BCAR3: variants seen among roughly 807,000 people sequenced by gnomAD.
BCAR3 encodes BCAR3 adaptor protein, NSP family member.
In BCAR3, 37 loss-of-function variants were observed where a neutral mutation model predicts 80.1. The ratio of observed to expected loss-of-function variants is 0.46; its 90% CI spans 0.36 to 0.61. BCAR3 has a LOEUF of 0.61. Ranked by LOEUF, BCAR3 falls within the 20% of genes least tolerant of loss-of-function variation. The pLI is 0.00. For synonymous variants in BCAR3, 389 were observed against 418.9 expected, an observed-to-expected ratio of 0.93 and a Z score of 0.87; for missense variants, 978 against 1,068.2, an observed-to-expected ratio of 0.92 and a Z score of 1.18.
At chr1:93,677,112 C>T (rs1571036211) in intron 1 of BCAR3, among the ~76,000 whole-genome samples, 2 of 152,306 alleles carry the variant, frequency 1.3e-5, no homozygotes, top group East Asian at 3.9e-4. Context: ...GGCCCAATAC[C>T]TGACTATGAA....
At chr1:93,571,923 T>C (rs1380140128) in intron 8 of BCAR3, 82 bp from the exon 9 acceptor site, 4 of 1,472,000 alleles carry the variant, frequency 2.7e-6, no homozygotes, top group Non-Finnish European at 3.7e-6. Flanking sequence ...AGAGCAGGGC[T>C]GTTTTTGTGC....
At chr1:93,744,421 G>A (rs7523682) in intron 2 of BCAR3, among the ~76,000 whole-genome samples, 141,626 of 152,192 alleles carry the variant, frequency 0.93, 65,945 homozygotes, top group East Asian at 0.96. Context: ...GTGCTTCTCC[G>A]ATAGTAGCAC....
intron 4 of BCAR3, among the ~76,000 whole-genome samples, chr1:93,591,158 TCTA>T (rs1392612049): frequency 1.7e-5 from 2 of 116,134 alleles, no homozygotes; most frequent in Non-Finnish European, 3.4e-5. Context: ...TGCCAAGAAA[TCTA>T]CTACATTAAA....
chr1:93,810,075 C>T (rs530178171), intron 2 of BCAR3, among the ~76,000 whole-genome samples: 1 of 151,566 alleles, frequency 6.6e-6, no homozygotes, highest in African/African-American at 2.4e-5. Context: ...TGCCTGTAAT[C>T]CCAGCTACTC....
intron 3 of BCAR3, among the ~76,000 whole-genome samples, chr1:93,637,392 C>T (rs113717288): frequency 3.9e-5 from 6 of 151,992 alleles, no homozygotes; most frequent in Admixed American, 6.6e-5. Context: ...TGACCTCAGG[C>T]GATCCACCCA....
At chr1:93,780,592 G>A (rs932961387) in intron 2 of BCAR3, among the ~76,000 whole-genome samples, 2 of 151,954 alleles carry the variant, frequency 1.3e-5, no homozygotes, top group Non-Finnish European at 2.9e-5. Context: ...AAACAAGATG[G>A]AGGAGCCAGG....
intron 2 of BCAR3, among the ~76,000 whole-genome samples, chr1:93,777,782 T>A (rs2100752843): frequency 6.6e-6 from 1 of 152,312 alleles, no homozygotes; most frequent in South Asian, 2.1e-4. Context: ...CATTCCCTTC[T>A]CCACTATTTG....
rs922597338 is a variant in BCAR3 at position 93,642,485 on chromosome 1, G to A, written c.318-142C>T. 3 of 756,206 alleles carry A rather than the reference G, an allele frequency of 4.0e-6. No homozygotes were observed. The East Asian group carries it at 8.0e-5, about 20-fold the overall frequency. The allele number at this position is 756,206 out of a possible 1,614,324, so 46.8% of individuals were successfully genotyped here. ...TCCCAGGCAGTATTCACAACAGGGT[G>A]TGTGTGGTGGGGTGGGAGATACCAC... On this transcript the variant is annotated intron_variant, in intron 2 of 11. Coordinates refer to ENST00000260502, the MANE Select transcript of BCAR3 (RefSeq NM_003567.4).
intron 3 of BCAR3, among the ~76,000 whole-genome samples, chr1:93,609,519 C>T (rs773197996): frequency 6.6e-6 from 1 of 152,206 alleles, no homozygotes; most frequent in Non-Finnish European, 1.5e-5. Context: ...CAAACATTGA[C>T]AAAGTGACAA....
intron 3 of BCAR3, among the ~76,000 whole-genome samples, chr1:93,618,813 A>G (rs988556750): frequency 6.6e-6 from 1 of 152,184 alleles, no homozygotes; most frequent in African/African-American, 2.4e-5. Flanking sequence ...CCCTCCTTCT[A>G]GAGCAAAAGA....
chr1:93,567,919 G>T, intron 9 of BCAR3, 68 bp from the exon 10 acceptor site: 1 of 1,313,950 alleles, frequency 7.6e-7, no homozygotes, highest in Non-Finnish European at 1.1e-6. Context: ...GGGCGTGGTA[G>T]CTCACGCCTG....
intron 2 of BCAR3, among the ~76,000 whole-genome samples, chr1:93,835,012 C>A (rs1654712290): frequency 6.7e-6 from 1 of 149,160 alleles, no homozygotes; most frequent in Non-Finnish European, 1.5e-5. Flanking sequence ...CCAGCAAAGG[C>A]AGGCTATGTT....
At chr1:93,647,610 TAGA>T (rs1482952070) in intron 2 of BCAR3, among the ~76,000 whole-genome samples, 5 of 151,934 alleles carry the variant, frequency 3.3e-5, no homozygotes, top group African/African-American at 1.2e-4. Context: ...TTCTTCTAAA[TAGA>T]AGGACACTCT....
chr1:93,617,544 G>C (rs1303216862), intron 3 of BCAR3, among the ~76,000 whole-genome samples: 1 of 152,214 alleles, frequency 6.6e-6, no homozygotes, highest in African/African-American at 2.4e-5. Context: ...AGGGACATCG[G>C]TCAGGGGTGA....
At chr1:93,564,480 G>A (rs1020622344) in intron 11 of BCAR3, among the ~76,000 whole-genome samples, 5 of 151,896 alleles carry the variant, frequency 3.3e-5, no homozygotes, top group East Asian at 3.9e-4. Context: ...GTTTCTCCAC[G>A]TTGGTCAGGC....
intron 3 of BCAR3, among the ~76,000 whole-genome samples, chr1:93,703,188 T>C (rs779297188): frequency 6.6e-6 from 1 of 152,222 alleles, no homozygotes; most frequent in Non-Finnish European, 1.5e-5. Flanking sequence ...GGGGTCTCAC[T>C]TGAAGACATA....
chr1:93,731,646 GTAAAATAAAATAAAATAAAA>G lies in BCAR3; in HGVS notation c.-62-25524_-62-25505del, dbSNP rs3068528. Among the ~76,000 whole-genome samples the G allele has an allele frequency of 6.8e-4, 100 of 147,362 alleles. 1 individual carries two copies. Among genetic ancestry groups the G allele is most frequent in the South Asian group, 4.2e-3 (19 of 4,562 alleles). On this transcript the variant is annotated intron_variant, in intron 2 of 13. Transcript: ENST00000370244. ...ATATAAATAAATAGTAGATGTTAAA[GTAAAATAAAATAAAATAAAA>G]TAAAATAAAATAAAATAAAATAAAA...
intron 5 of BCAR3, 53 bp downstream of exon 5, chr1:93,588,924 A>G: frequency 6.7e-7 from 1 of 1,485,634 alleles, no homozygotes. Context: ...TGCCTAACTA[A>G]CCTTGGGCAC....
At chr1:93,642,439 G>A (rs112860326) in intron 2 of BCAR3, 96 bp from the exon 3 acceptor site, 2 of 1,243,936 alleles carry the variant, frequency 1.6e-6, no homozygotes, top group Non-Finnish European at 2.3e-6. Flanking sequence ...TATTCACTAA[G>A]TTACTAAGCT....
Sources: gnomAD v4.1 joint callset for allele counts (sites outside exome capture counted in the v4.1 genomes callset) on GRCh38, gnomAD v4.1.1 for gene constraint, MANE v1.5 for transcripts, NCBI Gene and HGNC (gene_info 2026-07-23, HGNC 2026-07-21) for gene names.